FHIT: variants seen among roughly 807,000 people sequenced by gnomAD.
FHIT encodes the protein fragile histidine triad diadenosine triphosphatase.
In FHIT, 19 loss-of-function variants were observed where a neutral mutation model predicts 17.9. The observed-to-expected ratio is 1.06, with a 90% confidence interval of 0.74 to 1.56. The LOEUF (loss-of-function observed/expected upper bound fraction) is 1.56, where lower values mean the gene tolerates loss of function less well. FHIT is among the 40% of genes most tolerant of loss of function. FHIT has a pLI of 0.00. For missense variants in FHIT, 248 were observed against 189.2 expected (o/e 1.31, Z -1.82); for synonymous variants, 81 against 69.7 (o/e 1.16, Z -0.81).
intron 4 of FHIT, among the ~76,000 whole-genome samples, chr3:60,763,092 T>C (rs1298155130): frequency 6.6e-6 from 1 of 152,168 alleles, no homozygotes; most frequent in African/African-American, 2.4e-5. Flanking sequence ...ACTGTGTAGG[T>C]GTCTGTGACC....
chr3:60,473,687 G>A (rs955819156), intron 5 of FHIT, among the ~76,000 whole-genome samples: 1 of 152,200 alleles, frequency 6.6e-6, no homozygotes, highest in Non-Finnish European at 1.5e-5. Context: ...GGGAGGCAAA[G>A]GTTGGTAGAT....
intron 5 of FHIT, among the ~76,000 whole-genome samples, chr3:60,257,166 T>G (rs1706040660): frequency 6.6e-6 from 1 of 152,192 alleles, no homozygotes; most frequent in African/African-American, 2.4e-5. Context: ...CAGCTTCCCT[T>G]GTGAATTAAA....
At chr3:61,071,621 AAAGTT>A (rs1294647880) in intron 2 of FHIT, among the ~76,000 whole-genome samples, 5 of 152,232 alleles carry the variant, frequency 3.3e-5, no homozygotes, top group Non-Finnish European at 7.3e-5. Flanking sequence ...TACATGACAT[AAAGTT>A]AAGTGGAACA....
intron 4 of FHIT, among the ~76,000 whole-genome samples, chr3:60,675,330 G>A (rs1034976038): frequency 1.3e-5 from 2 of 152,262 alleles, no homozygotes; most frequent in African/African-American, 4.8e-5. Context: ...ACTAAATGAT[G>A]AAAAATAATT....
intron 7 of FHIT, among the ~76,000 whole-genome samples, chr3:59,965,333 T>C (rs887200174): frequency 6.6e-6 from 1 of 152,124 alleles, no homozygotes; most frequent in East Asian, 1.9e-4. Flanking sequence ...CATGCATATA[T>C]ATGTGACAAT....
intron 7 of FHIT, among the ~76,000 whole-genome samples, chr3:60,001,656 G>A (rs955333473): frequency 1.3e-5 from 2 of 152,142 alleles, no homozygotes; most frequent in Admixed American, 1.3e-4. Context: ...CTGTCAAGTA[G>A]TGGATGATGC....
intron 4 of FHIT, among the ~76,000 whole-genome samples, chr3:60,673,039 G>A (rs797033645): frequency 5.9e-5 from 9 of 151,968 alleles, no homozygotes; most frequent in African/African-American, 2.2e-4. Context: ...GCTGTCACAT[G>A]TTTTACTTCT....
intron 5 of FHIT, among the ~76,000 whole-genome samples, chr3:60,422,160 C>T (rs1702499314): frequency 6.6e-6 from 1 of 152,116 alleles, no homozygotes; most frequent in South Asian, 2.1e-4. Context: ...TTGAGTGCCC[C>T]CATATGACTC....
chr3:60,964,603 C>T (rs1709620890), intron 3 of FHIT, among the ~76,000 whole-genome samples: 1 of 152,152 alleles, frequency 6.6e-6, no homozygotes, highest in Non-Finnish European at 1.5e-5. Context: ...ATGCTTCCTT[C>T]AGGAGCTCTT....
intron 3 of FHIT, among the ~76,000 whole-genome samples, chr3:60,906,581 G>C (rs1002400454): frequency 2.6e-5 from 4 of 152,134 alleles, no homozygotes; most frequent in African/African-American, 4.8e-5. Context: ...GTAAGGTAAG[G>C]TTGATACATC....
intron 2 of FHIT, among the ~76,000 whole-genome samples, chr3:61,105,788 C>T (rs2035972458): frequency 1.3e-5 from 2 of 152,182 alleles, no homozygotes; most frequent in African/African-American, 4.8e-5. Flanking sequence ...GTTATTTGTG[C>T]AGAAAAGGTC....
intron 5 of FHIT, among the ~76,000 whole-genome samples, chr3:60,157,116 G>A (rs1483683146): frequency 6.6e-6 from 1 of 151,794 alleles, no homozygotes; most frequent in East Asian, 1.9e-4. Context: ...AACATTTATT[G>A]ATTTATTAAG....
chr3:60,417,444 A>G (rs1015571255), intron 5 of FHIT, among the ~76,000 whole-genome samples: 2 of 152,184 alleles, frequency 1.3e-5, no homozygotes, highest in African/African-American at 2.4e-5. Flanking sequence ...AGACGGAGCC[A>G]TTTGCTGTTC....
intron 5 of FHIT, among the ~76,000 whole-genome samples, chr3:60,521,561 T>C (rs1331734950): frequency 1.3e-5 from 2 of 152,184 alleles, no homozygotes; most frequent in African/African-American, 4.8e-5. Flanking sequence ...GTTATAATTA[T>C]TATACCATGC....
chr3:60,962,935 T>C (rs1355892441), intron 3 of FHIT, among the ~76,000 whole-genome samples: 1 of 152,242 alleles, frequency 6.6e-6, no homozygotes, highest in Non-Finnish European at 1.5e-5. Context: ...AGGACAATGC[T>C]GGCCGCATAA....
chr3:60,221,202 G>C (rs1385321003), intron 5 of FHIT, among the ~76,000 whole-genome samples: 2 of 152,096 alleles, frequency 1.3e-5, no homozygotes, highest in African/African-American at 4.8e-5. Flanking sequence ...GCTATGTCTA[G>C]TTTTCTTCCT....
chr3:59,974,805 G>A lies in FHIT; in HGVS notation c.279+36566C>T, dbSNP rs1708339648. 2.0e-5 allele frequency among the ~76,000 whole-genome samples: 3 copies of A among 152,036 alleles called. No homozygotes were observed. In the South Asian group the frequency reaches 6.2e-4, roughly 31 times the overall value. On this transcript the variant is annotated intron_variant, in intron 7 of 9. Coordinates refer to ENST00000492590, the MANE Select transcript of FHIT (RefSeq NM_002012.4). The stretch of plus-strand genomic sequence containing the variant: ...CTACCTAATATTCTAAGGTTGTCGG[G>A]GGAGATATGGAAATTGAGTCTATAG...
At chr3:59,769,121 C>T (rs1472271991) in intron 8 of FHIT, among the ~76,000 whole-genome samples, 2 of 152,198 alleles carry the variant, frequency 1.3e-5, no homozygotes, top group African/African-American at 2.4e-5. Flanking sequence ...TGGCATCCTA[C>T]CCTGATTTGT....
At chr3:60,175,790 T>A (rs1210747414) in intron 5 of FHIT, among the ~76,000 whole-genome samples, 1 of 152,112 alleles carries the variant, frequency 6.6e-6, no homozygotes, top group Non-Finnish European at 1.5e-5. Flanking sequence ...TAAAACTCAA[T>A]GCTATTAACA....
Sources: allele counts gnomAD v4.1 joint callset (sites outside exome capture counted in the v4.1 genomes callset), GRCh38; gene constraint gnomAD v4.1.1; transcripts MANE v1.5; gene names NCBI Gene and HGNC (gene_info 2026-07-23, HGNC 2026-07-21).